Variants in INPP5A observed in about 807,000 individuals in gnomAD.
INPP5A encodes the protein 43 kDa inositol polyphosphate 5-phophatase.
INPP5A carries 14 observed loss-of-function variants against 65.2 expected under a neutral mutation model. The ratio of observed to expected loss-of-function variants is 0.21; its 90% CI spans 0.14 to 0.34. The LOEUF is 0.34. Ranked by LOEUF, INPP5A falls within the 10% of genes least tolerant of loss-of-function variation. INPP5A has a pLI of 1.00. For missense variants in INPP5A, 431 were observed against 545.6 expected (o/e 0.79, Z 2.09); for synonymous variants, 207 against 208.3 (o/e 0.99, Z 0.05).
chr10:132,676,569 T>C lies in INPP5A; in HGVS notation c.307-13823T>C, dbSNP rs549760573. Among the ~76,000 whole-genome samples the C allele has an allele frequency of 2.4e-4, 37 of 152,282 alleles. No homozygotes were observed. The highest frequency in any genetic ancestry group is 8.4e-4 in the African/African-American group (35 of 41,564). ...AATGGGCTGAACACAAGCAGGTGAC[T>C]GTGTGGGACAGGGCTGCCCAAACCG... On this transcript the variant is annotated intron_variant, in intron 4 of 15. Transcript: ENST00000368594. The surrounding 1 kb of genome is among the most constrained non-coding windows in gnomAD (Gnocchi z 4.0).
chr10:132,718,289 C>A (rs1212190342), intron 8 of INPP5A, among the ~76,000 whole-genome samples: 2 of 148,134 alleles, frequency 1.4e-5, no homozygotes, highest in African/African-American at 2.5e-5. Flanking sequence ...TTTCTGGGGG[C>A]GCCTTAGACA....
chr10:132,596,662 C>T (rs2133322131), intron 1 of INPP5A, among the ~76,000 whole-genome samples: 1 of 152,262 alleles, frequency 6.6e-6, no homozygotes, highest in South Asian at 2.1e-4. Flanking sequence ...GAATTCCTGA[C>T]CTCGTGATCC....
chr10:132,689,973 C>T (rs902651046), intron 4 of INPP5A, among the ~76,000 whole-genome samples: 1 of 152,242 alleles, frequency 6.6e-6, no homozygotes, highest in Non-Finnish European at 1.5e-5. Context: ...CCACTCAATG[C>T]CCGGCCGGTG....
intron 6 of INPP5A, among the ~76,000 whole-genome samples, chr10:132,701,171 C>T (rs1355714287): frequency 6.6e-6 from 1 of 152,212 alleles, no homozygotes; most frequent in Non-Finnish European, 1.5e-5. Flanking sequence ...CGGCTGGATT[C>T]GCTATCCATC....
At chr10:132,692,208 G>T (rs1487759848) in intron 5 of INPP5A, among the ~76,000 whole-genome samples, 1 of 152,166 alleles carries the variant, frequency 6.6e-6, no homozygotes, top group Non-Finnish European at 1.5e-5. Context: ...AAGAATCAGC[G>T]AGCTGGAAGG....
chr10:132,565,154 A>G (rs890781994), intron 1 of INPP5A, among the ~76,000 whole-genome samples: 4 of 152,288 alleles, frequency 2.6e-5, no homozygotes, highest in Admixed American at 2.6e-4. Flanking sequence ...TCTGTTGTCC[A>G]GGCTGGTGTG....
chr10:132,775,645 T>A (rs1847052070), intron 12 of INPP5A, among the ~76,000 whole-genome samples: 2 of 152,228 alleles, frequency 1.3e-5, no homozygotes, highest in East Asian at 1.9e-4. Flanking sequence ...TTCCTCCTGT[T>A]GAGTCGTCTG....
intron 9 of INPP5A, among the ~76,000 whole-genome samples, chr10:132,728,823 C>T (rs1035511860): frequency 1.1e-4 from 17 of 152,196 alleles, no homozygotes; most frequent in African/African-American, 3.6e-4. Flanking sequence ...CTGGAGCAGC[C>T]GCGGGAGCCT....
chr10:132,766,236 C>G (rs112661947), intron 12 of INPP5A, among the ~76,000 whole-genome samples: 7 of 152,244 alleles, frequency 4.6e-5, no homozygotes, highest in Non-Finnish European at 2.9e-5. Context: ...GCAAACTGCA[C>G]CTTCTCCTGC....
chr10:132,627,333 C>T lies in INPP5A; in HGVS notation c.118-18535C>T, dbSNP rs780714017. Among the ~76,000 whole-genome samples the T allele has an allele frequency of 1.3e-5, 2 of 151,996 alleles. No homozygotes were observed. The highest frequency in any genetic ancestry group is 1.5e-5 in the Non-Finnish European group (1 of 68,014). Reference sequence around the variant, plus strand: ...CCTTGGGTGCTCCCAGGAGGCTTCACGGGGAGACCGGGGCCGGGAGCTGCT... The same window carrying T: ...CCTTGGGTGCTCCCAGGAGGCTTCATGGGGAGACCGGGGCCGGGAGCTGCT... On this transcript the variant is annotated intron_variant, in intron 2 of 15. Coordinates refer to ENST00000368594, the MANE Select transcript of INPP5A (RefSeq NM_005539.5). This position sits in a 1 kb window ranked among gnomAD's most constrained non-coding sequence, Gnocchi z 6.6.
intron 9 of INPP5A, among the ~76,000 whole-genome samples, chr10:132,730,411 C>T (rs988074250): frequency 2.6e-5 from 4 of 152,228 alleles, no homozygotes; most frequent in African/African-American, 4.8e-5. Context: ...GTGGGCAGCG[C>T]GGGAGGGGGC....
chr10:132,600,069 T>C (rs2071756575), intron 1 of INPP5A, among the ~76,000 whole-genome samples: 1 of 152,226 alleles, frequency 6.6e-6, no homozygotes, highest in Admixed American at 6.5e-5. Flanking sequence ...TTCCACATGG[T>C]CTTGGGGATT....
intron 9 of INPP5A, among the ~76,000 whole-genome samples, chr10:132,736,147 C>T (rs947013737): frequency 6.6e-5 from 10 of 152,248 alleles, no homozygotes; most frequent in Non-Finnish European, 1.3e-4. Flanking sequence ...CTGAGAGGGC[C>T]GTGCGTCCTC....
At chr10:132,562,490 C>T (rs1259509356) in intron 1 of INPP5A, among the ~76,000 whole-genome samples, 1 of 152,230 alleles carries the variant, frequency 6.6e-6, no homozygotes, top group Admixed American at 6.5e-5. Flanking sequence ...CGGGTCACAG[C>T]GAGGTGCAGC....
chr10:132,624,131 A>C lies in INPP5A; in HGVS notation c.117+16175A>C, dbSNP rs866986086. The stretch of plus-strand genomic sequence containing the variant: ...TTCTTATAAAGTTGGACGTGTGGCC[A>C]CCCCCTGACCCACGCACGTTGCTCC... On this transcript the variant is annotated intron_variant, in intron 2 of 15. Coordinates refer to ENST00000368594, the MANE Select transcript of INPP5A (RefSeq NM_005539.5). Among the ~76,000 whole-genome samples, 6 of 145,228 alleles carry C rather than the reference A, an allele frequency of 4.1e-5. No individual in the cohort carries two copies. In the East Asian group the frequency reaches 1.2e-3, roughly 30 times the overall value.
At position 132,626,119 on chromosome 10, in the gene INPP5A, C is replaced by T. The variant is rs1444808967; in HGVS notation, c.117+18163C>T. On this transcript the variant is annotated intron_variant, in intron 2 of 15. Transcript: ENST00000368594. ...GAGACCCAGGGAACGTGGCGGCACC[C>T]GCCTGCTTTCCCTGTGCTAGTGTGT... 2.6e-5 allele frequency among the ~76,000 whole-genome samples: 4 copies of T among 152,336 alleles called. No individual in the cohort carries two copies. The East Asian group carries it at 7.7e-4, about 29-fold the overall frequency.
intron 4 of INPP5A, among the ~76,000 whole-genome samples, chr10:132,685,147 G>A (rs2073098442): frequency 6.6e-6 from 1 of 152,248 alleles, no homozygotes; most frequent in Non-Finnish European, 1.5e-5. Flanking sequence ...GTCACCAAAT[G>A]CTGCCACTCT....
intron 2 of INPP5A, among the ~76,000 whole-genome samples, chr10:132,632,293 A>G (rs2072286430): frequency 6.6e-6 from 1 of 152,192 alleles, no homozygotes; most frequent in African/African-American, 2.4e-5. Context: ...GCAGCTGCCT[A>G]GAGCTCTGTG....
At chr10:132,645,218 G>A (rs911165668) in intron 2 of INPP5A, among the ~76,000 whole-genome samples, 3 of 152,168 alleles carry the variant, frequency 2.0e-5, no homozygotes, top group Non-Finnish European at 2.9e-5. Flanking sequence ...TTGATGGGGC[G>A]GGCGGGGCAG....
Sources: gnomAD v4.1 joint callset for allele counts (sites outside exome capture counted in the v4.1 genomes callset) on GRCh38, gnomAD v4.1.1 for gene constraint, Gnocchi (gnomAD v3.1) non-coding constraint, MANE v1.5 for transcripts, NCBI Gene and HGNC (gene_info 2026-07-23, HGNC 2026-07-21) for gene names.